Variants in KIAA1549 observed in about 807,000 individuals in gnomAD.
KIAA1549 encodes UPF0606 protein KIAA1549.
Under a neutral mutation model 156.4 loss-of-function variants are expected in KIAA1549, and 70 were observed. The ratio of observed to expected loss-of-function variants is 0.45; its 90% confidence interval spans 0.37 to 0.55. The LOEUF is 0.55. Ranked by LOEUF, KIAA1549 falls within the 20% of genes least tolerant of loss-of-function variation. The pLI is 0.00. For missense variants in KIAA1549, 2,428 were observed against 2,540.9 expected (o/e 0.96, Z 0.96); for synonymous variants, 1,103 against 1,066.4 (o/e 1.03, Z -0.67).
chr7:138,869,762 C>A lies in KIAA1549; in HGVS notation c.4552-1G>T. On this transcript the variant is annotated splice_acceptor_variant, in intron 13 of 19. Coordinates refer to ENST00000422774, the MANE Select transcript of KIAA1549 (RefSeq NM_001164665.2). LOFTEE classifies it high-confidence loss of function. ...ACTTGTGCCGCAGCGCGGTCTGAATCTGAGGAAGGGTGAGGGAGAGAAAGA... is the reference window on the plus strand; with the variant it reads ...ACTTGTGCCGCAGCGCGGTCTGAATATGAGGAAGGGTGAGGGAGAGAAAGA... The A allele has an allele frequency of 6.2e-7, 1 of 1,607,340 alleles. No homozygotes were observed. The highest frequency in any genetic ancestry group is 8.5e-7 in the Non-Finnish European group (1 of 1,178,268).
chr7:138,881,570 A>T lies in KIAA1549; in HGVS notation c.4047T>A (p.Ser1349Arg). ...IQQRQKLQIP[S>R]VKGFDFAKQH... ...GCTTAGCAAAATCGAAGCCCTTCAC[A>T]CTAGGGATCTGCAGCTGAAACATAC... Residue 1349 changes from serine to arginine, a missense_variant, in exon 11 of 20, where the codon AGT becomes AGA. By Grantham distance (110) the Ser-to-Arg change is moderately radical. Around this residue, in one of 5 missense-constraint regions of KIAA1549, gnomAD observed 762 missense variants for 901.6 expected, o/e 0.85. Coordinates refer to ENST00000422774, the MANE Select transcript of KIAA1549 (RefSeq NM_001164665.2). 1 of 1,612,458 alleles carries T rather than the reference A, an allele frequency of 6.2e-7. No homozygotes were observed. Among genetic ancestry groups the T allele is most frequent in the South Asian group, 1.1e-5 (1 of 90,862 alleles).
At chr7:138,938,200 A>G (rs1043086496) in intron 1 of KIAA1549, among the ~76,000 whole-genome samples, 1 of 152,076 alleles carries the variant, frequency 6.6e-6, no homozygotes, top group Non-Finnish European at 1.5e-5. Flanking sequence ...CTCACCAGAA[A>G]CCGAGCCTGC....
At chr7:138,966,646 T>C (rs1814033989) in intron 1 of KIAA1549, among the ~76,000 whole-genome samples, 2 of 151,910 alleles carry the variant, frequency 1.3e-5, no homozygotes, top group Non-Finnish European at 2.9e-5. Flanking sequence ...GGCAGCTGAT[T>C]AGATTGTGCT....
intron 1 of KIAA1549, among the ~76,000 whole-genome samples, chr7:138,973,986 C>T (rs1284590169): frequency 6.6e-6 from 1 of 152,190 alleles, no homozygotes; most frequent in Non-Finnish European, 1.5e-5. Context: ...GATTAAAAAT[C>T]AATGAATGAA....
chr7:138,958,120 G>A (rs1421900825), intron 1 of KIAA1549, among the ~76,000 whole-genome samples: 5 of 152,176 alleles, frequency 3.3e-5, no homozygotes, highest in African/African-American at 4.8e-5. Flanking sequence ...ATACATGCAC[G>A]TTAATGATTA....
intron 6 of KIAA1549, 129 bp from the exon 7 acceptor site, chr7:138,905,210 C>A: frequency 1.5e-6 from 1 of 673,856 alleles, no homozygotes; most frequent in South Asian, 1.7e-5. Context: ...GTCAGATTAG[C>A]GTGAGGACGT....
At chr7:138,899,546 T>A (rs1273020822) in intron 8 of KIAA1549, among the ~76,000 whole-genome samples, 1 of 152,186 alleles carries the variant, frequency 6.6e-6, no homozygotes, top group Non-Finnish European at 1.5e-5. Flanking sequence ...TTCTACCCAA[T>A]CCTTTCTTCA....
At chr7:138,878,317 C>T (rs554399479) in intron 12 of KIAA1549, among the ~76,000 whole-genome samples, 2 of 151,350 alleles carry the variant, frequency 1.3e-5, no homozygotes, top group Non-Finnish European at 3.0e-5. Context: ...AAGGCTGAGC[C>T]ACCCGCGAGG....
In KIAA1549 at chr7:138,879,552, C is replaced by CTG; in HGVS notation, c.4329_4330dup (p.Arg1444ThrfsTer108). The stretch of plus-strand genomic sequence containing the variant: ...GAGTCACAGACCGCTCTGCGGAGCT[C>CTG]TGTGGGACCTGCCATCGTTGACGGC... On this transcript the variant is annotated frameshift_variant, in exon 12 of 20. Coordinates refer to ENST00000422774, the MANE Select transcript of KIAA1549 (RefSeq NM_001164665.2). LOFTEE classifies it high-confidence loss of function. 1 of 1,562,602 alleles carries CTG rather than the reference C, an allele frequency of 6.4e-7. No individual in the cohort carries two copies. Among genetic ancestry groups the CTG allele is most frequent in the Non-Finnish European group, 8.7e-7 (1 of 1,152,886 alleles).
chr7:138,947,001 C>T (rs973901027), intron 1 of KIAA1549, among the ~76,000 whole-genome samples: 6 of 152,154 alleles, frequency 3.9e-5, no homozygotes, highest in Middle Eastern at 3.2e-3. Flanking sequence ...CCACTGCCAA[C>T]GGGTGCAGAA....
chr7:138,958,155 G>C (rs1273874456), intron 1 of KIAA1549, among the ~76,000 whole-genome samples: 1 of 152,164 alleles, frequency 6.6e-6, no homozygotes, highest in African/African-American at 2.4e-5. Context: ...TGTGTATGCT[G>C]AGCATAAGTG....
chr7:138,862,082 A>G (rs1478870206), intron 15 of KIAA1549, among the ~76,000 whole-genome samples: 3 of 152,218 alleles, frequency 2.0e-5, no homozygotes, highest in African/African-American at 7.2e-5. Context: ...TATGTATTGA[A>G]AAAAACTAGT....
In KIAA1549 at chr7:138,917,458, G is replaced by A; in HGVS notation, c.2168C>T (p.Pro723Leu). Residue 723 changes from proline (P) to leucine (L), a missense_variant, in exon 2 of 20, where the codon CCT becomes CTT. Transcript: ENST00000422774. ...TTCAACAAACTCGAGAGAATCAGAA[G>A]GGAAGCTTGACCATGGTGACACCTC... The part of the protein sequence containing the change: ...RSEVSPWSSF[P>L]SDSLEFVEAS... 5 of 1,613,924 alleles carry A rather than the reference G, an allele frequency of 3.1e-6. No homozygotes were observed. Among genetic ancestry groups the A allele is most frequent in the Admixed American group, 1.7e-5 (1 of 60,028 alleles).
Position 138,917,713 on chromosome 7 carries a change from A to G in KIAA1549, c.1913T>C (p.Ile638Thr). Residue 638 changes from isoleucine to threonine, a missense_variant, in exon 2 of 20, where the codon ATC (isoleucine) becomes ACC (threonine). Coordinates refer to ENST00000422774, the MANE Select transcript of KIAA1549 (RefSeq NM_001164665.2). Reference sequence around the variant, plus strand: ...CGCAGGTGCTTCCGAAGGCGAAGAGATGGAGCCGCTGAGTTCCAGCGGGGG... The same window carrying G: ...CGCAGGTGCTTCCGAAGGCGAAGAGGTGGAGCCGCTGAGTTCCAGCGGGGG... ...STPPLELSGS[I>T]SSPSEAPASL... 6.2e-7 allele frequency: 1 copy of G among 1,600,272 alleles called. No homozygotes were observed. The highest frequency in any genetic ancestry group is 8.5e-7 in the Non-Finnish European group (1 of 1,173,080).
At chr7:138,869,293 G>GCC (rs1810849503) in intron 14 of KIAA1549, among the ~76,000 whole-genome samples, 1 of 152,252 alleles carries the variant, frequency 6.6e-6, no homozygotes, top group Non-Finnish European at 1.5e-5. Context: ...GAGGGGCAGA[G>GCC]TTGAGAACAA....
intron 1 of KIAA1549, among the ~76,000 whole-genome samples, chr7:138,931,321 C>T (rs1235624680): frequency 1.3e-5 from 2 of 152,292 alleles, no homozygotes; most frequent in Non-Finnish European, 2.9e-5. Flanking sequence ...CTGTAAAAAG[C>T]GCAGTATCTG....
chr7:138,862,192 C>T (rs1171678633), intron 15 of KIAA1549, among the ~76,000 whole-genome samples: 1 of 151,986 alleles, frequency 6.6e-6, no homozygotes, highest in African/African-American at 2.4e-5. Flanking sequence ...AAAAACTATA[C>T]ATATTAAAAC....
intron 1 of KIAA1549, among the ~76,000 whole-genome samples, chr7:138,946,518 G>A (rs764519128): frequency 1.3e-5 from 2 of 152,042 alleles, no homozygotes; most frequent in Non-Finnish European, 1.5e-5. Flanking sequence ...GGTGGCTCAC[G>A]CCTGTAATCC....
chr7:138,931,874 C>T (rs1023053404), intron 1 of KIAA1549, among the ~76,000 whole-genome samples: 1 of 152,002 alleles, frequency 6.6e-6, no homozygotes, highest in African/African-American at 2.4e-5. Context: ...AAATTGTTCC[C>T]GTCACTAAAA....
Sources: allele counts gnomAD v4.1 joint callset (sites outside exome capture counted in the v4.1 genomes callset), GRCh38; gene constraint gnomAD v4.1.1; regional missense constraint gnomAD v4.1.1; transcripts MANE v1.5; gene names NCBI Gene and HGNC (gene_info 2026-07-23, HGNC 2026-07-21).